The following BBS2 variants were observed in gnomAD, a reference collection of about 807,000 sequenced individuals.
The protein encoded by BBS2 is Bardet-Biedl syndrome 2.
A neutral mutation model predicts 83.0 loss-of-function variants in BBS2; 62 were observed. The ratio of observed to expected loss-of-function variants is 0.75; its 90% CI spans 0.61 to 0.92. BBS2 has a LOEUF of 0.92. BBS2 is among the 40% of genes least tolerant of loss of function. The pLI, the probability that BBS2 is intolerant of heterozygous loss-of-function variation, is 0.00. For synonymous variants in BBS2, 303 were observed against 326.1 expected, an observed-to-expected ratio of 0.93 and a Z score of 0.76; for missense variants, 784 against 901.0, an observed-to-expected ratio of 0.87 and a Z score of 1.66.
chr16:56,496,926 T>A (rs1348385471), intron 15 of BBS2, 41 bp downstream of exon 15: 1 of 1,419,692 alleles, frequency 7.0e-7, no homozygotes. Context: ...ACTGCTCACA[T>A]TTTTAACCCT....
chr16:56,516,869 ATAC>A (rs755698380), intron 1 of BBS2, among the ~76,000 whole-genome samples: 23 of 152,210 alleles, frequency 1.5e-4, no homozygotes, highest in Non-Finnish European at 3.4e-4. Context: ...GAGTCATAAA[ATAC>A]TACTAATTCT....
downstream of BBS2, among the ~76,000 whole-genome samples, chr16:56,480,352 C>CAAAAAAAAAAAAAAA (rs1286219655): frequency 7.3e-4 from 56 of 76,474 alleles, 2 homozygotes; most frequent in African/African-American, 1.1e-3. Flanking sequence ...CACACACACA[C>CAAAAAAAAAAAAAAA]AAAAAAAAAA....
At position 56,509,947 on chromosome 16, in the gene BBS2, A is replaced by T. The variant is rs113091063; in HGVS notation, c.612+10T>A. 6.2e-7 allele frequency: 1 copy of T among 1,613,742 alleles called. No individual in the cohort carries two copies. Among genetic ancestry groups the T allele is most frequent in the Admixed American group, 1.7e-5 (1 of 60,008 alleles). The stretch of plus-strand genomic sequence containing the variant: ...TCAAGGTTACCATAGTTCGAGGTGG[A>T]GCTTCTTACCTCTGTTTCTGTCATT... On this transcript the variant is annotated intron_variant, in intron 5 of 16. Transcript: ENST00000245157.
At chr16:56,498,902 C>T (rs1964187554) in intron 12 of BBS2, 1 of 406,030 alleles carries the variant, frequency 2.5e-6, no homozygotes, top group South Asian at 2.2e-5. Context: ...AGGTATGATG[C>T]TGATTCTGTT....
intron 17 of BBS2, among the ~76,000 whole-genome samples, chr16:56,471,365 G>GAAA (rs755598469): frequency 1.1e-5 from 1 of 92,566 alleles, no homozygotes; most frequent in Non-Finnish European, 2.3e-5. Context: ...ACATCTCAAA[G>GAAA]AAAAAAAAAA....
chr16:56,501,106 C>A (rs1964258168), intron 10 of BBS2, 81 bp from the exon 11 acceptor site: 7 of 1,500,066 alleles, frequency 4.7e-6, no homozygotes, highest in South Asian at 1.1e-5. Context: ...GTCAGGAGGT[C>A]GAGACCATCT....
chr16:56,510,186 T>A, intron 4 of BBS2, 152 bp from the exon 5 acceptor site: 1 of 695,244 alleles, frequency 1.4e-6, no homozygotes, highest in Admixed American at 2.1e-5. Flanking sequence ...AAATGCTCCC[T>A]CTAATGGGAG....
At chr16:56,504,560 A>G (rs1210897763) in intron 7 of BBS2, among the ~76,000 whole-genome samples, 1 of 152,194 alleles carries the variant, frequency 6.6e-6, no homozygotes, top group Admixed American at 6.5e-5. Flanking sequence ...TCCTTTTTGT[A>G]TATTTCTGTT....
rs1964530282 is a variant in BBS2 at position 56,509,931 on chromosome 16, C to T, written c.612+26G>A. 10 of 1,611,132 alleles carry T rather than the reference C, an allele frequency of 6.2e-6. No individual in the cohort carries two copies. In the Admixed American group the frequency reaches 1.2e-4, roughly 19 times the overall value. ...TACTGATCTATCTTGCTCAAGGTTA[C>T]CATAGTTCGAGGTGGAGCTTCTTAC... On this transcript the variant is annotated intron_variant, in intron 5 of 16. Transcript: ENST00000245157.
At chr16:56,502,220 G>A (rs767082127) in intron 9 of BBS2, 97 bp downstream of exon 9, 12 of 1,533,412 alleles carry the variant, frequency 7.8e-6, no homozygotes, top group South Asian at 2.3e-5. Context: ...GCCACACCCT[G>A]GCAATGACAC....
downstream of BBS2, among the ~76,000 whole-genome samples, chr16:56,482,981 G>A (rs1190523900): frequency 1.3e-5 from 2 of 152,126 alleles, no homozygotes; most frequent in Non-Finnish European, 2.9e-5. Flanking sequence ...CAGCTATATG[G>A]TCATGCTCTG....
intron 12 of BBS2, 200 bp from the exon 13 acceptor site, chr16:56,498,768 T>C: frequency 7.0e-7 from 1 of 1,425,940 alleles, no homozygotes. Flanking sequence ...CTAGTCACAT[T>C]CCCTTTTCTC....
intron 17 of BBS2, among the ~76,000 whole-genome samples, chr16:56,475,819 G>A (rs1963443567): frequency 6.6e-6 from 1 of 152,216 alleles, no homozygotes; most frequent in Non-Finnish European, 1.5e-5. Context: ...ATCTTACAAT[G>A]TAGTAAGAAA....
At chr16:56,493,418 G>A (rs1177699409) in intron 15 of BBS2, among the ~76,000 whole-genome samples, 2 of 149,708 alleles carry the variant, frequency 1.3e-5, no homozygotes, top group Non-Finnish European at 3.0e-5. Context: ...AACCAAGGTG[G>A]AGAAAAAGAT....
At chr16:56,472,088 A>G (rs1342671010) in intron 17 of BBS2, among the ~76,000 whole-genome samples, 1 of 151,852 alleles carries the variant, frequency 6.6e-6, no homozygotes, top group Non-Finnish European at 1.5e-5. Flanking sequence ...CAGTATCCCA[A>G]GTAGCTGGGA....
intron 2 of BBS2, among the ~76,000 whole-genome samples, chr16:56,513,676 G>A (rs1964642988): frequency 6.6e-6 from 1 of 152,174 alleles, no homozygotes; most frequent in Non-Finnish European, 1.5e-5. Flanking sequence ...ATAACTGGTT[G>A]CCTAAGGTTA....
intron 9 of BBS2, chr16:56,501,948 T>C (rs1964287969): frequency 5.3e-6 from 2 of 377,776 alleles, no homozygotes; most frequent in Non-Finnish European, 1.0e-5. Context: ...TTCTTGCCTT[T>C]TGTCACTTGG....
intron 17 of BBS2, chr16:56,478,404 G>A (rs1471393060): frequency 1.3e-5 from 2 of 152,160 alleles, no homozygotes; most frequent in African/African-American, 2.4e-5. Context: ...CCACAGTGTA[G>A]CAACACTCAA....
rs1462895887 is a variant in BBS2, at chr16:56,497,896, A to G, written c.1660-16T>C. Reference sequence around the variant, plus strand: ...TTATAGTGATCTACCCAGAGAAAAAATAGACAAGTTTAGCATCCTCAGATG... The same window carrying G: ...TTATAGTGATCTACCCAGAGAAAAAGTAGACAAGTTTAGCATCCTCAGATG... On this transcript the variant is annotated splice_polypyrimidine_tract_variant and intron_variant, in intron 13 of 16. Coordinates refer to ENST00000245157, the MANE Select transcript of BBS2 (RefSeq NM_031885.5). 4 of 1,607,048 alleles carry G rather than the reference A, an allele frequency of 2.5e-6. No homozygotes were observed. Among genetic ancestry groups the G allele is most frequent in the Non-Finnish European group, 3.4e-6 (4 of 1,179,642 alleles).
Sources: allele counts gnomAD v4.1 joint callset (sites outside exome capture counted in the v4.1 genomes callset), GRCh38; gene constraint gnomAD v4.1.1; transcripts MANE v1.5; gene names NCBI Gene and HGNC (gene_info 2026-07-23, HGNC 2026-07-21).